The following MTMR6 variants were observed in gnomAD, a reference collection of about 807,000 sequenced individuals.
MTMR6 encodes phosphatidylinositol-3,5-bisphosphate 3-phosphatase MTMR6.
Under a neutral mutation model 80.1 loss-of-function variants are expected in MTMR6, and 47 were observed. The ratio of observed to expected loss-of-function variants is 0.59; its 90% CI spans 0.46 to 0.75. The LOEUF (loss-of-function observed/expected upper bound fraction) is 0.75, where lower values mean the gene tolerates loss of function less well. MTMR6 is among the 30% of genes least tolerant of loss of function. The probability of loss-of-function intolerance (pLI) is 0.00; values close to 1 mark genes in which losing one functional copy is unlikely to be tolerated. For synonymous variants in MTMR6, 254 were observed against 253.0 expected (o/e 1.00, Z -0.04); for missense variants, 629 against 730.9 (o/e 0.86, Z 1.61).
At chr13:25,287,144 C>A in intron 1 of MTMR6, 80 bp downstream of exon 1, 1 of 1,534,410 alleles carries the variant, frequency 6.5e-7, no homozygotes, top group East Asian at 2.4e-5. Flanking sequence ...CCCAGTCAGG[C>A]CAGCAGAGCC....
chr13:25,280,831 T>C lies in MTMR6; in HGVS notation c.24+6393A>G, dbSNP rs1358758521. Among the ~76,000 whole-genome samples, 9 of 152,112 alleles carry C rather than the reference T, an allele frequency of 5.9e-5. No individual in the cohort carries two copies. In the East Asian group the frequency reaches 1.2e-3, roughly 20 times the overall value. ...CGAAAATGTGGCAAGGAGAAAGGAATTGGAAGATGTCGCTTTGGTGAGGAA... is the reference window on the plus strand; with the variant it reads ...CGAAAATGTGGCAAGGAGAAAGGAACTGGAAGATGTCGCTTTGGTGAGGAA... On this transcript the variant is annotated intron_variant, in intron 1 of 13. Transcript: ENST00000381801.
intron 2 of MTMR6, among the ~76,000 whole-genome samples, chr13:25,271,918 C>G (rs562895259): frequency 6.6e-6 from 1 of 152,244 alleles, no homozygotes; most frequent in South Asian, 2.1e-4. Context: ...AGGGTATGCT[C>G]TACTTGATAT....
rs112487162 is a variant in MTMR6 at position 25,254,263 on chromosome 13, A to T, written c.1145+122T>A. On this transcript the variant is annotated intron_variant, in intron 10 of 13. Coordinates refer to ENST00000381801, the MANE Select transcript of MTMR6 (RefSeq NM_004685.5). ...TAAATGTCTTTACGTAAAATACAGTAAAAACCATGACACTCTTACCTCCCA... is the reference window on the plus strand; with the variant it reads ...TAAATGTCTTTACGTAAAATACAGTTAAAACCATGACACTCTTACCTCCCA... 8.1e-4 allele frequency: 624 copies of T among 768,038 alleles called. 3 individuals carry two copies. The African/African-American group carries it at 9.5e-3, about 12-fold the overall frequency. 47.6% of individuals were successfully genotyped at this position (768,038 alleles called of 1,614,324 possible). A position where few individuals can be genotyped will look rare whatever the true frequency, so the allele number is the denominator to read the frequency against.
chr13:25,279,314 GCTCTCTCT>G (rs200875623), intron 1 of MTMR6, among the ~76,000 whole-genome samples: 5 of 151,584 alleles, frequency 3.3e-5, no homozygotes, highest in Non-Finnish European at 7.4e-5. Context: ...TTCCCCCTTT[GCTCTCTCT>G]CTCTCCTGCC....
chr13:25,277,534 T>C (rs542204949), intron 1 of MTMR6, among the ~76,000 whole-genome samples: 6 of 152,364 alleles, frequency 3.9e-5, no homozygotes, highest in Middle Eastern at 3.4e-3. Flanking sequence ...ATCCCTTTTG[T>C]TGAAATCATT....
At chr13:25,276,603 G>A (rs1957734199) in intron 1 of MTMR6, among the ~76,000 whole-genome samples, 4 of 152,058 alleles carry the variant, frequency 2.6e-5, no homozygotes, top group African/African-American at 4.8e-5. Flanking sequence ...CAATCACACC[G>A]CTTTTCATTT....
At chr13:25,249,584 C>T in intron 13 of MTMR6, 92 bp from the exon 14 acceptor site, 1 of 1,265,562 alleles carries the variant, frequency 7.9e-7, no homozygotes, top group Non-Finnish European at 1.1e-6. Context: ...AAAATATGTT[C>T]TCTGTATGTA....
At position 25,287,297 on chromosome 13, in the gene MTMR6, T is replaced by C; in HGVS notation, c.-50A>G. On this transcript the variant is annotated 5_prime_UTR_variant, in exon 1 of 14. Transcript: ENST00000381801. Reference sequence around the variant, plus strand: ...CGGTCTCACAGGCGTACCATACGGCTACAGAAACAGGGCGGTGACAGCGAC... The same window carrying C: ...CGGTCTCACAGGCGTACCATACGGCCACAGAAACAGGGCGGTGACAGCGAC... 1.9e-6 allele frequency: 3 copies of C among 1,568,876 alleles called. No individual in the cohort carries two copies. The highest frequency in any genetic ancestry group is 2.6e-6 in the Non-Finnish European group (3 of 1,160,756).
chr13:25,251,840 G>T lies in MTMR6; in HGVS notation c.1478+13C>A. ...AAAATTCAAGTATAAATACTCCAAT[G>T]ATGTCAACTTACTTAAAATTGAAAG... On this transcript the variant is annotated intron_variant, in intron 12 of 13. Coordinates refer to ENST00000381801, the MANE Select transcript of MTMR6 (RefSeq NM_004685.5). This position sits in a 1 kb window ranked among gnomAD's most constrained non-coding sequence, Gnocchi z 4.1. The T allele has an allele frequency of 6.2e-7, 1 of 1,603,984 alleles. No individual in the cohort carries two copies. Among genetic ancestry groups the T allele is most frequent in the South Asian group, 1.1e-5 (1 of 88,326 alleles).
intron 1 of MTMR6, 105 bp downstream of exon 1, chr13:25,287,119 G>T: frequency 1.3e-6 from 2 of 1,487,250 alleles, no homozygotes; most frequent in East Asian, 5.0e-5. Flanking sequence ...GGTCTCCGCC[G>T]GGCCGGCTCC....
At chr13:25,252,271 A>G (rs1957106654) in intron 11 of MTMR6, among the ~76,000 whole-genome samples, 1 of 152,162 alleles carries the variant, frequency 6.6e-6, no homozygotes, top group African/African-American at 2.4e-5. Flanking sequence ...AATTTCAAAA[A>G]CTTGGTCTCT....
At position 25,249,168 on chromosome 13, in the gene MTMR6, A is replaced by T; in HGVS notation, c.*64T>A. On this transcript the variant is annotated 3_prime_UTR_variant, in exon 14 of 14. Coordinates refer to ENST00000381801, the MANE Select transcript of MTMR6 (RefSeq NM_004685.5). ...AGACAAATTCCTTTTGGTTATGCTT[A>T]CAGACCATCCTCACAATAATCCTTT... 2.6e-6 allele frequency: 4 copies of T among 1,556,450 alleles called. No individual in the cohort carries two copies. Among genetic ancestry groups the T allele is most frequent in the Non-Finnish European group, 3.5e-6 (4 of 1,145,534 alleles).
chr13:25,275,459 T>C (rs980684342), intron 1 of MTMR6, among the ~76,000 whole-genome samples: 2 of 152,064 alleles, frequency 1.3e-5, no homozygotes, highest in Middle Eastern at 3.4e-3. Context: ...AGTTAATTTA[T>C]GTGTACCAGC....
In MTMR6 at chr13:25,251,943, T is replaced by A; in HGVS notation, c.1388A>T (p.Glu463Val). The A allele has an allele frequency of 6.2e-7, 1 of 1,610,274 alleles. No individual in the cohort carries two copies. Among genetic ancestry groups the A allele is most frequent in the East Asian group, 2.2e-5 (1 of 44,782 alleles). The change falls in exon 12 of 14, where the codon GAA (glutamate) becomes GTA (valine). Residue 463 changes from glutamate (E) to valine (V), a missense_variant. Transcript: ENST00000381801. This position sits in a 1 kb window ranked among gnomAD's most constrained non-coding sequence, Gnocchi z 4.1. ...AGGATTTAAGTACTTCTTTTGGTCTTCCAAAAGAAATGGCCACAGGGAATA... is the reference window on the plus strand; with the variant it reads ...AGGATTTAAGTACTTCTTTTGGTCTACCAAAAGAAATGGCCACAGGGAATA... ...KTYSLWPFLLEDQKKYLNPLY... is the reference protein window; with the variant it reads ...KTYSLWPFLLVDQKKYLNPLY...
At chr13:25,279,449 C>T (rs1957797535) in intron 1 of MTMR6, among the ~76,000 whole-genome samples, 1 of 152,088 alleles carries the variant, frequency 6.6e-6, no homozygotes. Flanking sequence ...TATAAATTAC[C>T]CAGTCTTGAG....
At chr13:25,280,815 G>A (rs186797106) in intron 1 of MTMR6, among the ~76,000 whole-genome samples, 3 of 152,292 alleles carry the variant, frequency 2.0e-5, no homozygotes, top group Admixed American at 6.5e-5. Flanking sequence ...ACGAAAATGT[G>A]GCAAGGAGAA....
At chr13:25,275,068 T>G (rs1957688889) in intron 1 of MTMR6, among the ~76,000 whole-genome samples, 1 of 150,338 alleles carries the variant, frequency 6.7e-6, no homozygotes, top group Non-Finnish European at 1.5e-5. Context: ...AGGAGGCTAC[T>G]GCTGGGAATC....
At chr13:25,265,742 A>G (rs1957439990) in intron 5 of MTMR6, 77 bp downstream of exon 5, 12 of 1,503,302 alleles carry the variant, frequency 8.0e-6, no homozygotes, top group Non-Finnish European at 1.1e-5. Context: ...AAAAAAAAAA[A>G]AAAAGTGTTA....
At chr13:25,259,633 A>G (rs1957288522) in intron 6 of MTMR6, among the ~76,000 whole-genome samples, 1 of 152,192 alleles carries the variant, frequency 6.6e-6, no homozygotes, top group Non-Finnish European at 1.5e-5. Context: ...AAAACAATCA[A>G]AGAATGATAT....
Sources: allele counts gnomAD v4.1 joint callset (sites outside exome capture counted in the v4.1 genomes callset), GRCh38; gene constraint gnomAD v4.1.1; non-coding constraint Gnocchi (gnomAD v3.1); transcripts MANE v1.5; gene names NCBI Gene and HGNC (gene_info 2026-07-23, HGNC 2026-07-21).